PCCA: variants seen among roughly 807,000 people sequenced by gnomAD.
The protein encoded by PCCA is propionyl-CoA carboxylase alpha chain, mitochondrial.
In PCCA, 74 loss-of-function variants were observed where a neutral mutation model predicts 101.3. That is an observed-to-expected ratio of 0.73 (90% CI 0.61 to 0.89). The LOEUF is 0.89. Among genes scored for constraint, PCCA ranks in the 40% least tolerant of loss-of-function variants. The probability of loss-of-function intolerance (pLI) is 0.00; values close to 1 mark genes in which losing one functional copy is unlikely to be tolerated. For missense variants in PCCA, 891 were observed against 907.0 expected (o/e 0.98, Z 0.23); for synonymous variants, 294 against 313.6 (o/e 0.94, Z 0.66).
In PCCA at chr13:100,516,915, G is replaced by A. The variant is rs9557446; in HGVS notation, c.2040+1348G>A. Among the ~76,000 whole-genome samples the A allele has an allele frequency of 2.9e-3, 442 of 152,170 alleles. 17 individuals carry two copies. The East Asian group carries it at 0.056, about 19-fold the overall frequency. ...TTCTAGTGACTAGATATGTAGGTTC[G>A]TAAACAATATAAGGGTTTTGTTTTG... is the stretch of plus-strand genomic sequence containing the variant. On this transcript the variant is annotated intron_variant, in intron 22 of 23. Coordinates refer to ENST00000376285, the MANE Select transcript of PCCA (RefSeq NM_000282.4).
At chr13:100,414,164 C>T (rs2078216397) in intron 19 of PCCA, among the ~76,000 whole-genome samples, 1 of 152,132 alleles carries the variant, frequency 6.6e-6, no homozygotes, top group South Asian at 2.1e-4. Context: ...TCTTTTGTGA[C>T]AGATTGACAG....
intron 19 of PCCA, among the ~76,000 whole-genome samples, chr13:100,377,708 A>T (rs921902969): frequency 6.6e-6 from 1 of 151,830 alleles, no homozygotes; most frequent in Non-Finnish European, 1.5e-5. Context: ...GTTAGCCAGG[A>T]TGGTCTCGAT....
intron 18 of PCCA, among the ~76,000 whole-genome samples, chr13:100,343,857 A>T (rs1046665851): frequency 6.6e-6 from 1 of 152,188 alleles, no homozygotes; most frequent in Non-Finnish European, 1.5e-5. Context: ...GACTGATCAC[A>T]TGAGGCCAGG....
At chr13:100,393,032 A>T (rs972383504) in intron 19 of PCCA, among the ~76,000 whole-genome samples, 2 of 149,880 alleles carry the variant, frequency 1.3e-5, no homozygotes, top group African/African-American at 5.1e-5. Flanking sequence ...GTCTTCTGCC[A>T]TGGGAAGAAA....
At chr13:100,207,332 AT>A (rs2058920819) in intron 6 of PCCA, among the ~76,000 whole-genome samples, 1 of 152,024 alleles carries the variant, frequency 6.6e-6, no homozygotes, top group Non-Finnish European at 1.5e-5. Context: ...ATTTAAAGAC[AT>A]TGGCTTTTCT....
At chr13:100,245,771 T>C (rs889678198) in intron 8 of PCCA, among the ~76,000 whole-genome samples, 25 of 152,352 alleles carry the variant, frequency 1.6e-4, no homozygotes, top group Middle Eastern at 3.4e-3. Context: ...TTTCTGTTGC[T>C]ATTCTCTTTG....
intron 19 of PCCA, among the ~76,000 whole-genome samples, chr13:100,421,188 T>C (rs1024080848): frequency 5.3e-5 from 8 of 151,744 alleles, no homozygotes; most frequent in Non-Finnish European, 1.0e-4. Context: ...TGCAGCCTGG[T>C]CCACAGAGTG....
At chr13:100,401,112 T>C (rs1347119188) in intron 19 of PCCA, among the ~76,000 whole-genome samples, 1 of 152,212 alleles carries the variant, frequency 6.6e-6, no homozygotes, top group Non-Finnish European at 1.5e-5. Context: ...TTTTGGCTTA[T>C]CCCGAGAATT....
chr13:100,375,349 T>A (rs2075834982), intron 19 of PCCA, among the ~76,000 whole-genome samples: 2 of 152,184 alleles, frequency 1.3e-5, no homozygotes. Context: ...TTCTGTTGAT[T>A]TGGGGTGTAG....
At chr13:100,178,744 AT>A (rs1246423158) in intron 6 of PCCA, among the ~76,000 whole-genome samples, 21 of 152,044 alleles carry the variant, frequency 1.4e-4, no homozygotes, top group East Asian at 1.2e-3. Context: ...TTAAAAAAAA[AT>A]AATTTAGACA....
intron 8 of PCCA, among the ~76,000 whole-genome samples, chr13:100,250,936 A>G (rs1452015180): frequency 6.6e-6 from 1 of 152,122 alleles, no homozygotes; most frequent in African/African-American, 2.4e-5. Flanking sequence ...CTATTTCATT[A>G]TACGTCTATG....
intron 19 of PCCA, among the ~76,000 whole-genome samples, chr13:100,374,328 T>C (rs1003772609): frequency 6.6e-5 from 10 of 152,130 alleles, no homozygotes; most frequent in African/African-American, 1.9e-4. Flanking sequence ...AAAGTAGAAA[T>C]ATTATTCAGC....
chr13:100,333,038 G>C (rs1338983023), intron 17 of PCCA, among the ~76,000 whole-genome samples: 1 of 152,182 alleles, frequency 6.6e-6, no homozygotes, highest in Non-Finnish European at 1.5e-5. Flanking sequence ...ATCAGGGTAT[G>C]CTACATGTTG....
chr13:100,482,921 A>G (rs552606309), intron 21 of PCCA, among the ~76,000 whole-genome samples: 3 of 152,350 alleles, frequency 2.0e-5, no homozygotes, highest in African/African-American at 4.8e-5. Context: ...GTGAAGGTGC[A>G]TACTATTTTT....
At chr13:100,472,854 T>C (rs1440133143) in intron 21 of PCCA, among the ~76,000 whole-genome samples, 1 of 150,348 alleles carries the variant, frequency 6.7e-6, no homozygotes, top group Non-Finnish European at 1.5e-5. Context: ...CCCTGGAAAA[T>C]GTTAAAGTAT....
chr13:100,523,150 G>A (rs995276243), intron 22 of PCCA, among the ~76,000 whole-genome samples: 13 of 152,218 alleles, frequency 8.5e-5, no homozygotes, highest in African/African-American at 2.4e-5. Context: ...GAGGGGGCAT[G>A]TGCGGGAGAA....
intron 4 of PCCA, among the ~76,000 whole-genome samples, chr13:100,127,134 T>G (rs2050032061): frequency 6.6e-6 from 1 of 152,210 alleles, no homozygotes. Context: ...TATTTAGCAG[T>G]CAGGCAAAAA....
chr13:100,208,770 C>G (rs2152477437), intron 6 of PCCA, among the ~76,000 whole-genome samples: 1 of 152,194 alleles, frequency 6.6e-6, no homozygotes, highest in Non-Finnish European at 1.5e-5. Context: ...ATTTTTGACT[C>G]ATCTTTTATA....
rs202120705 is a variant in PCCA, at chr13:100,209,290, G to T, written c.469-42G>T. 3.8e-6 allele frequency: 6 copies of T among 1,588,740 alleles called. No individual in the cohort carries two copies. In the South Asian group the frequency reaches 5.5e-5, roughly 15 times the overall value. On this transcript the variant is annotated intron_variant, in intron 6 of 23. Coordinates refer to ENST00000376285, the MANE Select transcript of PCCA (RefSeq NM_000282.4). The stretch of plus-strand genomic sequence containing the variant: ...AAATTGTGACTCCACATCATGCTCC[G>T]TAATGTTCTTGTTATAAATTTTGAC...
Sources: gnomAD v4.1 joint callset for allele counts (sites outside exome capture counted in the v4.1 genomes callset) on GRCh38, gnomAD v4.1.1 for gene constraint, MANE v1.5 for transcripts, NCBI Gene and HGNC (gene_info 2026-07-23, HGNC 2026-07-21) for gene names.